The following CRMP1 variants were observed in gnomAD, a reference collection of about 807,000 sequenced individuals.
CRMP1 encodes the protein collapsin response mediator protein 1, also known as dihydropyrimidinase-related protein 1.
A neutral mutation model predicts 68.3 loss-of-function variants in CRMP1; 19 were observed. That is an observed-to-expected ratio of 0.28 (90% confidence interval 0.19 to 0.41). The LOEUF (loss-of-function observed/expected upper bound fraction) is 0.41. Among genes scored for constraint, CRMP1 ranks in the 10% least tolerant of loss-of-function variants. CRMP1 has a pLI of 1.00. For synonymous variants in CRMP1, 439 were observed against 399.6 expected, an observed-to-expected ratio of 1.10 and a Z score of -1.18; for missense variants, 791 against 967.4, an observed-to-expected ratio of 0.82 and a Z score of 2.42.
Position 5,860,272 on chromosome 4 carries a change from G to A in CRMP1, c.655+754C>T, listed in dbSNP as rs1369348035. Among the ~76,000 whole-genome samples the A allele has an allele frequency of 6.6e-6, 1 of 152,168 alleles. No individual in the cohort carries two copies. The highest frequency in any genetic ancestry group is 1.9e-4 in the East Asian group (1 of 5,188). On this transcript the variant is annotated intron_variant, in intron 3 of 13. Transcript: ENST00000324989. This position sits in a 1 kb window ranked among gnomAD's most constrained non-coding sequence, Gnocchi z 4.2. ...TGAGAAGAAAGGCAAGTTTCGGCCA[G>A]AACCCCCTGCATTCTGCCATCCACC...
rs1193057904 is a variant in CRMP1, at chr4:5,877,891, C to A, written c.382-11135G>T. Among the ~76,000 whole-genome samples the A allele has an allele frequency of 6.6e-6, 1 of 152,194 alleles. No homozygotes were observed. The highest frequency in any genetic ancestry group is 1.5e-5 in the Non-Finnish European group (1 of 68,038). On this transcript the variant is annotated intron_variant, in intron 1 of 13. Coordinates refer to ENST00000324989, the MANE Select transcript of CRMP1 (RefSeq NM_001014809.3). This position sits in a 1 kb window ranked among gnomAD's most constrained non-coding sequence, Gnocchi z 4.3. The stretch of plus-strand genomic sequence containing the variant: ...CCTCTGTCACAACCCTAAGAGTGGG[C>A]AGGGCCTGCACGCTGCATAGGGAAA...
chr4:5,836,357 C>T (rs1034038207), intron 10 of CRMP1, among the ~76,000 whole-genome samples: 42 of 152,172 alleles, frequency 2.8e-4, no homozygotes, highest in African/African-American at 9.9e-4. Flanking sequence ...AGATTAAAAA[C>T]CTTTGGTTTC....
intron 9 of CRMP1, among the ~76,000 whole-genome samples, chr4:5,837,489 G>C (rs899558887): frequency 6.7e-6 from 1 of 150,056 alleles, no homozygotes; most frequent in Non-Finnish European, 1.5e-5. Context: ...TTAGCCAGGC[G>C]TGGTGGTGGG....
In CRMP1 at chr4:5,881,297, T is replaced by G. The variant is rs1465500833; in HGVS notation, c.381+11292A>C. ...CCAAACTACCAACACCAATTCAGAG[T>G]TGTTTCTTCTCAGAGCAAAGCTATG... is the stretch of plus-strand genomic sequence containing the variant. On this transcript the variant is annotated intron_variant, in intron 1 of 13. Coordinates refer to ENST00000324989, the MANE Select transcript of CRMP1 (RefSeq NM_001014809.3). This position sits in a 1 kb window ranked among gnomAD's most constrained non-coding sequence, Gnocchi z 4.6. Among the ~76,000 whole-genome samples the G allele has an allele frequency of 6.6e-6, 1 of 152,094 alleles. No individual in the cohort carries two copies. The highest frequency in any genetic ancestry group is 1.5e-5 in the Non-Finnish European group (1 of 68,016).
chr4:5,829,444 CT>C (rs1341576632), intron 11 of CRMP1, among the ~76,000 whole-genome samples: 1 of 152,186 alleles, frequency 6.6e-6, no homozygotes, highest in Non-Finnish European at 1.5e-5. Flanking sequence ...CAAGTGAATA[CT>C]TGACAGTTGT....
In CRMP1 at chr4:5,879,560, A is replaced by G. The variant is rs1041288078; in HGVS notation, c.382-12804T>C. On this transcript the variant is annotated intron_variant, in intron 1 of 13. Transcript: ENST00000324989. This position sits in a 1 kb window ranked among gnomAD's most constrained non-coding sequence, Gnocchi z 4.2. ...TCTGTTGGCTTCAGTTTCCTCATCTATAAATGGAACCCATCAAAATACCTA... is the reference window on the plus strand; with the variant it reads ...TCTGTTGGCTTCAGTTTCCTCATCTGTAAATGGAACCCATCAAAATACCTA... Among the ~76,000 whole-genome samples the G allele has an allele frequency of 6.6e-6, 1 of 152,214 alleles. No homozygotes were observed. The highest frequency in any genetic ancestry group is 1.5e-5 in the Non-Finnish European group (1 of 68,050).
rs933139646 is a variant in CRMP1, at chr4:5,891,433, G to C, written c.381+1156C>G. Among the ~76,000 whole-genome samples, 6 of 152,162 alleles carry C rather than the reference G, an allele frequency of 3.9e-5. No individual in the cohort carries two copies. The highest frequency in any genetic ancestry group is 1.4e-4 in the African/African-American group (6 of 41,448). On this transcript the variant is annotated intron_variant, in intron 1 of 13. Coordinates refer to ENST00000324989, the MANE Select transcript of CRMP1 (RefSeq NM_001014809.3). The surrounding 1 kb of genome is among the most constrained non-coding windows in gnomAD (Gnocchi z 5.2). The stretch of plus-strand genomic sequence containing the variant: ...TTGGGTCACTCATAGCATTTAAGAG[G>C]GGAAGGTTTAATTAAAATGATAATG...
chr4:5,857,863 A>G (rs925522649), intron 3 of CRMP1, among the ~76,000 whole-genome samples: 2 of 152,058 alleles, frequency 1.3e-5, no homozygotes, highest in Non-Finnish European at 2.9e-5. Flanking sequence ...TCTTAAATGT[A>G]AAGTAGATGA....
chr4:5,846,332 T>C (rs1208602030), intron 6 of CRMP1, among the ~76,000 whole-genome samples: 1 of 152,080 alleles, frequency 6.6e-6, no homozygotes, highest in East Asian at 1.9e-4. Flanking sequence ...AAGAGACATT[T>C]CAAAGAGATG....
chr4:5,860,929 G>T lies in CRMP1; in HGVS notation c.655+97C>A. The T allele has an allele frequency of 7.9e-7, 1 of 1,264,972 alleles. No individual in the cohort carries two copies. The highest frequency in any genetic ancestry group is 1.1e-6 in the Non-Finnish European group (1 of 913,782). 78.4% of individuals were successfully genotyped at this position (1,264,972 alleles called of 1,614,324 possible). A position where few individuals can be genotyped will look rare whatever the true frequency, so the allele number is the denominator to read the frequency against. On this transcript the variant is annotated intron_variant, in intron 3 of 13. Coordinates refer to ENST00000324989, the MANE Select transcript of CRMP1 (RefSeq NM_001014809.3). The surrounding 1 kb of genome is among the most constrained non-coding windows in gnomAD (Gnocchi z 4.2). ...GAGAATGAAATCCAATGGCACCCTG[G>T]GCAGAGAGCCTCGAACACACTGAGC... is the stretch of plus-strand genomic sequence containing the variant.
At chr4:5,831,394 G>T (rs989133391) in intron 11 of CRMP1, among the ~76,000 whole-genome samples, 1 of 152,098 alleles carries the variant, frequency 6.6e-6, no homozygotes, top group Admixed American at 6.5e-5. Context: ...GCATTCTTGG[G>T]GGTTCCAGGC....
chr4:5,833,731 G>A (rs575857567), intron 11 of CRMP1, among the ~76,000 whole-genome samples: 48 of 152,288 alleles, frequency 3.2e-4, no homozygotes, highest in African/African-American at 1.1e-3. Flanking sequence ...GGAATCTGGT[G>A]TGGCCTCTGA....
At position 5,892,479 on chromosome 4, in the gene CRMP1, G is replaced by A. The variant is rs1715996396; in HGVS notation, c.381+110C>T. On this transcript the variant is annotated intron_variant, in intron 1 of 13. Coordinates refer to ENST00000324989, the MANE Select transcript of CRMP1 (RefSeq NM_001014809.3). This position sits in a 1 kb window ranked among gnomAD's most constrained non-coding sequence, Gnocchi z 8.6. ...CCGCGCCGTGGCTCTCCCCAGCCTG[G>A]CGGCCGCTGCCCCAACACCGGGGCC... 3.7e-6 allele frequency: 4 copies of A among 1,067,334 alleles called. No homozygotes were observed. Among genetic ancestry groups the A allele is most frequent in the East Asian group, 4.7e-5 (1 of 21,348 alleles). 66.1% of individuals were successfully genotyped at this position (1,067,334 alleles called of 1,614,324 possible). A position where few individuals can be genotyped will look rare whatever the true frequency, so the allele number is the denominator to read the frequency against.
At position 5,843,164 on chromosome 4, in the gene CRMP1, A is replaced by G. The variant is rs750628800; in HGVS notation, c.964-3T>C. On this transcript the variant is annotated splice_polypyrimidine_tract_variant and splice_region_variant and intron_variant, in intron 6 of 13. Coordinates refer to ENST00000324989, the MANE Select transcript of CRMP1 (RefSeq NM_001014809.3). The surrounding 1 kb of genome is among the most constrained non-coding windows in gnomAD (Gnocchi z 4.1). ...ATCTCCAGGATCCGCTTTTGTTCCT[A>G]CAAGACAAGAACAAGTGAGTTAACG... is the stretch of plus-strand genomic sequence containing the variant. 2 of 1,614,112 alleles carry G rather than the reference A, an allele frequency of 1.2e-6. No homozygotes were observed. The highest frequency in any genetic ancestry group is 2.7e-5 in the African/African-American group (2 of 75,038).
At chr4:5,839,702 TGG>T in intron 8 of CRMP1, 24 bp from the exon 9 acceptor site, 6 of 1,253,016 alleles carry the variant, frequency 4.8e-6, no homozygotes, top group Non-Finnish European at 6.6e-6. Flanking sequence ...AACATAAGCC[TGG>T]TTAAAAGCAA....
chr4:5,824,448 G>A (rs1042867402), intron 13 of CRMP1: 169 of 985,132 alleles, frequency 1.7e-4, no homozygotes, highest in Non-Finnish European at 2.0e-4. Context: ...TGGATAAGAG[G>A]TTCTGCCACC....
chr4:5,875,398 G>A (rs1021994041), intron 1 of CRMP1, among the ~76,000 whole-genome samples: 114 of 137,510 alleles, frequency 8.3e-4, no homozygotes, highest in Admixed American at 1.4e-3. Context: ...CTAGATTTTA[G>A]AAAAAAAAAA....
At chr4:5,871,139 C>A (rs991759040) in intron 1 of CRMP1, among the ~76,000 whole-genome samples, 3 of 152,224 alleles carry the variant, frequency 2.0e-5, no homozygotes, top group African/African-American at 7.2e-5. Context: ...CAGGGGCGCC[C>A]AGGCTCCAAG....
rs1052392236 is a variant in CRMP1, at chr4:5,877,318, G to A, written c.382-10562C>T. 5.9e-5 allele frequency among the ~76,000 whole-genome samples: 9 copies of A among 152,292 alleles called. No homozygotes were observed. Among genetic ancestry groups the A allele is most frequent in the South Asian group, 4.1e-4 (2 of 4,822 alleles). On this transcript the variant is annotated intron_variant, in intron 1 of 13. Coordinates refer to ENST00000324989, the MANE Select transcript of CRMP1 (RefSeq NM_001014809.3). This position sits in a 1 kb window ranked among gnomAD's most constrained non-coding sequence, Gnocchi z 4.3. ...TCGCATCAAAGCAAATTAATACATC[G>A]TAAAGGTTCTGTGCTGGGAGCCACA...
Sources: gnomAD v4.1 joint callset for allele counts (sites outside exome capture counted in the v4.1 genomes callset) on GRCh38, gnomAD v4.1.1 for gene constraint, Gnocchi (gnomAD v3.1) non-coding constraint, MANE v1.5 for transcripts, NCBI Gene and HGNC (gene_info 2026-07-23, HGNC 2026-07-21) for gene names.